Variants in BPIFB2 observed in about 807,000 individuals in gnomAD.
BPIFB2 encodes the protein BPI fold-containing family B member 2.
BPIFB2 carries 39 observed loss-of-function variants against 50.1 expected under a neutral mutation model. That is an observed-to-expected ratio of 0.78 (90% CI 0.60 to 1.02). The LOEUF (loss-of-function observed/expected upper bound fraction) is 1.02, where lower values mean the gene tolerates loss of function less well. Ranked by LOEUF, BPIFB2 falls within the 50% of genes least tolerant of loss-of-function variation. The pLI is 0.00. For missense variants in BPIFB2, 574 were observed against 585.8 expected (o/e 0.98, Z 0.21); for synonymous variants, 280 against 256.3 (o/e 1.09, Z -0.88).
chr20:33,021,254 C>A (rs746736202), intron 13 of BPIFB2, 27 bp from the exon 14 acceptor site: 2 of 1,613,112 alleles, frequency 1.2e-6, no homozygotes, highest in Non-Finnish European at 8.5e-7. Flanking sequence ...CTGGGACGGG[C>A]CCATCTCCCT....
intron 5 of BPIFB2, among the ~76,000 whole-genome samples, chr20:33,014,646 A>T (rs549593696): frequency 1.3e-5 from 2 of 152,188 alleles, no homozygotes; most frequent in African/African-American, 2.4e-5. Flanking sequence ...CACCTTCCCA[A>T]TGTGAGCGGG....
chr20:33,020,669 A>G, intron 13 of BPIFB2, 82 bp downstream of exon 13: 1 of 1,460,264 alleles, frequency 6.8e-7, no homozygotes, highest in Non-Finnish European at 9.3e-7. Flanking sequence ...GGCTGTGTAC[A>G]TGTGCTGACC....
intron 7 of BPIFB2, 33 bp downstream of exon 7, chr20:33,017,135 G>A: frequency 6.2e-7 from 1 of 1,603,548 alleles, no homozygotes; most frequent in East Asian, 2.2e-5. Context: ...GGGGGCTGGG[G>A]CCTCTGGGAC....
chr20:33,013,019 ACT>A (rs976790522), intron 4 of BPIFB2, 112 bp downstream of exon 4: 1 of 818,394 alleles, frequency 1.2e-6, no homozygotes. Flanking sequence ...AGGCCTCTTG[ACT>A]CTCTGTCCAG....
At chr20:33,021,115 A>G (rs563678218) in intron 13 of BPIFB2, among the ~76,000 whole-genome samples, 166 bp from the exon 14 acceptor site, 1 of 152,238 alleles carries the variant, frequency 6.6e-6, no homozygotes, top group African/African-American at 2.4e-5. Flanking sequence ...TCTGGGCCCC[A>G]CTTGAACCCA....
At chr20:33,016,479 G>T (rs536719229) in intron 6 of BPIFB2, among the ~76,000 whole-genome samples, 1 of 152,320 alleles carries the variant, frequency 6.6e-6, no homozygotes, top group South Asian at 2.1e-4. Flanking sequence ...AGTCTCGCCA[G>T]CTCTTGCCTG....
At chr20:33,019,452 G>T (rs11905785) in intron 10 of BPIFB2, 128 bp from the exon 11 acceptor site, 7 of 1,123,508 alleles carry the variant, frequency 6.2e-6, no homozygotes, top group Non-Finnish European at 7.4e-6. Context: ...TTACACAGAG[G>T]GGGGACCCAC....
At chr20:33,016,647 C>T (rs1156271178) in intron 6 of BPIFB2, among the ~76,000 whole-genome samples, 1 of 152,224 alleles carries the variant, frequency 6.6e-6, no homozygotes, top group Non-Finnish European at 1.5e-5. Flanking sequence ...CCTGGTCTGG[C>T]TTGCTGATCA....
chr20:33,011,939 A>T (rs534438366), intron 3 of BPIFB2, among the ~76,000 whole-genome samples: 1 of 152,342 alleles, frequency 6.6e-6, no homozygotes, highest in Non-Finnish European at 1.5e-5. Flanking sequence ...AGATTGTGCC[A>T]TTGTACTCCA....
rs1978519669 is a variant in BPIFB2 at position 33,018,535 on chromosome 20, G to A, written c.670-102G>A. Reference sequence around the variant, plus strand: ...CACATGTGGCATCTTGCAGGGGCTGGGGGGCAGGGAGTGGCATCTAGGAGT... The same window carrying A: ...CACATGTGGCATCTTGCAGGGGCTGAGGGGCAGGGAGTGGCATCTAGGAGT... On this transcript the variant is annotated intron_variant, in intron 8 of 15. Transcript: ENST00000170150. 6 of 1,396,910 alleles carry A rather than the reference G, an allele frequency of 4.3e-6. No individual in the cohort carries two copies. In the Middle Eastern group the frequency reaches 6.4e-4, roughly 148 times the overall value. The allele number at this position is 1,396,910 out of a possible 1,614,324, so 86.5% of individuals were successfully genotyped here.
intron 11 of BPIFB2, among the ~76,000 whole-genome samples, chr20:33,020,049 C>G (rs1167776034): frequency 6.6e-6 from 1 of 152,260 alleles, no homozygotes; most frequent in Admixed American, 6.5e-5. Context: ...CACCTCCTCT[C>G]TGCATTTGTG....
chr20:33,011,698 C>T (rs1188940951), intron 3 of BPIFB2, among the ~76,000 whole-genome samples: 1 of 152,132 alleles, frequency 6.6e-6, no homozygotes, highest in African/African-American at 2.4e-5. Context: ...ACATTTAAAG[C>T]CCAGGCGCAG....
intron 1 of BPIFB2, among the ~76,000 whole-genome samples, chr20:33,008,026 G>A (rs561673081): frequency 6.6e-6 from 1 of 152,214 alleles, no homozygotes; most frequent in African/African-American, 2.4e-5. Context: ...TGGGGGCCAT[G>A]TGAGAGGCCT....
At chr20:33,013,716 C>T in intron 4 of BPIFB2, 94 bp from the exon 5 acceptor site, 1 of 1,499,314 alleles carries the variant, frequency 6.7e-7, no homozygotes, top group African/African-American at 1.4e-5. Context: ...AAGTGGAGGG[C>T]AGGCAGGGGC....
At position 33,012,796 on chromosome 20, in the gene BPIFB2, C is replaced by A; in HGVS notation, c.204-7C>A. 1.9e-6 allele frequency: 3 copies of A among 1,609,088 alleles called. No homozygotes were observed. The highest frequency in any genetic ancestry group is 1.3e-5 in the African/African-American group (1 of 74,920). The stretch of plus-strand genomic sequence containing the variant: ...GCCACTCTGTCACCTTGATTACTAC[C>A]CTGCAGGATCCGGATTCTGAATGTC... On this transcript the variant is annotated splice_region_variant and splice_polypyrimidine_tract_variant and intron_variant, in intron 3 of 15. Transcript: ENST00000170150.
Position 33,018,822 on chromosome 20 carries a change from G to A in BPIFB2, c.855G>A (p.Leu285=). The A allele has an allele frequency of 1.2e-6, 2 of 1,610,250 alleles. No individual in the cohort carries two copies. The highest frequency in any genetic ancestry group is 2.2e-5 in the East Asian group (1 of 44,854). Residue 285 remains leucine, a splice_region_variant and synonymous_variant, in exon 9 of 16, where the codon CTG becomes CTA. Transcript: ENST00000170150. ...TCAACCTGGACATCACAGGGCAGCT[G>A]GTGAGGGCCCGACCTGCAGCCCAGG... ...GALNLDITGQ[L]RSDDNLLNTS... is the part of the protein sequence containing the mutation.
rs1978553368 is a variant in BPIFB2 at position 33,019,098 on chromosome 20, G to A, written c.892G>A (p.Gly298Ser). 3.7e-6 allele frequency: 6 copies of A among 1,614,024 alleles called. No individual in the cohort carries two copies. The highest frequency in any genetic ancestry group is 5.1e-6 in the Non-Finnish European group (6 of 1,180,026). Residue 298 changes from glycine (G) to serine (S), a missense_variant, in exon 10 of 16, where the codon GGC (glycine) becomes AGC (serine). Physicochemically the swap from Gly to Ser is moderately conservative, Grantham distance 56. Transcript: ENST00000170150. ...DDNLLNTSAL[G>S]RLIPEVARQF... ...CAACCTGCTGAACACCTCTGCTCTG[G>A]GCCGGCTCATCCCGGAGGTCGGTGA...
In BPIFB2 at chr20:33,007,779, T is replaced by A. The variant is rs1337580435; in HGVS notation, c.-35+19T>A. On this transcript the variant is annotated intron_variant, in intron 1 of 15. Transcript: ENST00000170150. ...ACCTGAGGTAGGCATGGGGCTGGGC[T>A]GGTACACCACTTCCAAGGAGGCTTG... 6.6e-6 allele frequency: 1 copy of A among 152,298 alleles called. No homozygotes were observed. The highest frequency in any genetic ancestry group is 1.5e-5 in the Non-Finnish European group (1 of 68,142). 9.4% of individuals were successfully genotyped at this position (152,298 alleles called of 1,614,324 possible).
intron 6 of BPIFB2, among the ~76,000 whole-genome samples, chr20:33,016,176 G>A (rs1978421671): frequency 6.6e-6 from 1 of 152,078 alleles, no homozygotes; most frequent in Admixed American, 6.5e-5. Flanking sequence ...CAGTAGTAGA[G>A]ACGAAGTCAA....
Sources: gnomAD v4.1 joint callset for allele counts (sites outside exome capture counted in the v4.1 genomes callset) on GRCh38, gnomAD v4.1.1 for gene constraint, MANE v1.5 for transcripts, NCBI Gene and HGNC (gene_info 2026-07-23, HGNC 2026-07-21) for gene names.